Variants in BBS9 observed in about 807,000 individuals in gnomAD.
BBS9 encodes Bardet-Biedl syndrome 9, also known as protein PTHB1.
A neutral mutation model predicts 117.7 loss-of-function variants in BBS9; 89 were observed. That is an observed-to-expected ratio of 0.76 (90% CI 0.64 to 0.90). The LOEUF (loss-of-function observed/expected upper bound fraction) is 0.90, where lower values mean the gene tolerates loss of function less well. Among genes scored for constraint, BBS9 ranks in the 40% least tolerant of loss-of-function variants. The probability of loss-of-function intolerance (pLI) is 0.00; values close to 1 mark genes in which losing one functional copy is unlikely to be tolerated. For synonymous variants in BBS9, 379 were observed against 370.9 expected, an observed-to-expected ratio of 1.02 and a Z score of -0.25; for missense variants, 982 against 1,042.2, an observed-to-expected ratio of 0.94 and a Z score of 0.80.
At chr7:33,251,362 A>G (rs180843880) in intron 5 of BBS9, among the ~76,000 whole-genome samples, 1 of 152,178 alleles carries the variant, frequency 6.6e-6, no homozygotes, top group Admixed American at 6.5e-5. Context: ...TCCCTGAACC[A>G]ATCACTGTGA....
chr7:33,606,208 ACAT>A (rs1341676007), downstream of BBS9: 3 of 152,204 alleles, frequency 2.0e-5, no homozygotes, highest in African/African-American at 7.2e-5. Flanking sequence ...TATCAAAATA[ACAT>A]CATTATGATC....
At chr7:33,633,510 C>CTTTTTT (rs894796851) in intron 21 of BBS9, among the ~76,000 whole-genome samples, 1 of 98,458 alleles carries the variant, frequency 1.0e-5, no homozygotes. Context: ...TAACTTTTTT[C>CTTTTTT]TTTTTTTTTT....
chr7:33,539,466 C>T (rs1851934517), intron 21 of BBS9, among the ~76,000 whole-genome samples: 1 of 152,160 alleles, frequency 6.6e-6, no homozygotes, highest in African/African-American at 2.4e-5. Flanking sequence ...CAGCCATTGT[C>T]CTTATAACAG....
intron 21 of BBS9, among the ~76,000 whole-genome samples, chr7:33,589,385 T>C (rs1323399232): frequency 6.6e-6 from 1 of 152,118 alleles, no homozygotes; most frequent in African/African-American, 2.4e-5. Flanking sequence ...ATTTCTGGAA[T>C]TTTTTATTTA....
Position 33,416,277 on chromosome 7 carries a change from A to G in BBS9, c.2115+28133A>G, listed in dbSNP as rs1481618944. Among the ~76,000 whole-genome samples the G allele has an allele frequency of 2.0e-5, 3 of 151,214 alleles. 1 individual carries two copies. Among genetic ancestry groups the G allele is most frequent in the South Asian group, 4.2e-4 (2 of 4,720 alleles). ...GGTGAGAACAGGCTGCCCCCTTCAC[A>G]TGGGTCCTGCCTTCTTCTGCTTGAC... On this transcript the variant is annotated intron_variant, in intron 19 of 22. Coordinates refer to ENST00000242067, the MANE Select transcript of BBS9 (RefSeq NM_198428.3).
chr7:33,165,616 A>G (rs1455278887), intron 4 of BBS9, among the ~76,000 whole-genome samples: 1 of 151,620 alleles, frequency 6.6e-6, no homozygotes, highest in Admixed American at 6.6e-5. Flanking sequence ...CTTCCACTTG[A>G]TTGAATCAGC....
chr7:33,232,103 T>C (rs1008131892), intron 5 of BBS9, among the ~76,000 whole-genome samples: 7 of 152,192 alleles, frequency 4.6e-5, no homozygotes, highest in Non-Finnish European at 8.8e-5. Flanking sequence ...TAGAATTTAA[T>C]ATATGTCCCT....
At chr7:33,400,506 T>A (rs1426538668) in intron 19 of BBS9, among the ~76,000 whole-genome samples, 1 of 152,168 alleles carries the variant, frequency 6.6e-6, no homozygotes, top group Non-Finnish European at 1.5e-5. Context: ...AATTGTGAAT[T>A]AGCGATTATT....
chr7:33,367,645 A>T, intron 16 of BBS9, 122 bp from the exon 17 acceptor site: 2 of 780,950 alleles, frequency 2.6e-6, no homozygotes, highest in Non-Finnish European at 4.6e-6. Flanking sequence ...TATAGCTCAC[A>T]CATGGAGTTT....
At chr7:33,472,720 C>A (rs1046303224) in intron 19 of BBS9, among the ~76,000 whole-genome samples, 4 of 152,200 alleles carry the variant, frequency 2.6e-5, no homozygotes, top group Non-Finnish European at 2.9e-5. Flanking sequence ...GGCCAAATGG[C>A]TTCTTTTTAT....
intron 17 of BBS9, among the ~76,000 whole-genome samples, chr7:33,374,642 C>A: frequency 6.6e-6 from 1 of 152,098 alleles, no homozygotes; most frequent in Non-Finnish European, 1.5e-5. Context: ...TGGCTCACGC[C>A]TGTAATCCCA....
At chr7:33,536,286 T>A (rs969099558) in intron 21 of BBS9, among the ~76,000 whole-genome samples, 2 of 151,858 alleles carry the variant, frequency 1.3e-5, no homozygotes, top group South Asian at 2.1e-4. Flanking sequence ...CACTCTGTGG[T>A]TGAGTGGCTC....
chr7:33,173,571 TAAAAA>T lies in BBS9; in HGVS notation c.329-3893_329-3889del, dbSNP rs3083580. Among the ~76,000 whole-genome samples, 4 of 120,276 alleles carry T rather than the reference TAAAAA, an allele frequency of 3.3e-5. No individual in the cohort carries two copies. The South Asian group carries it at 1.0e-3, about 31-fold the overall frequency. 78.9% of individuals were successfully genotyped at this position (120,276 alleles called of 152,430 possible). ...TTGGCAACAGAGCGAGACTCCATCCTAAAAAAAAAAAAAAAAAATTGAAAAATTTT... is the reference window on the plus strand; with the variant it reads ...TTGGCAACAGAGCGAGACTCCATCCTAAAAAAAAAAAAATTGAAAAATTTT... On this transcript the variant is annotated intron_variant, in intron 4 of 22. Coordinates refer to ENST00000242067, the MANE Select transcript of BBS9 (RefSeq NM_198428.3).
chr7:33,521,137 C>G lies in BBS9; in HGVS notation c.2299-12817C>G, dbSNP rs150175673. ...TGTTTTAAAACTCATTATCTCCATC[C>G]AGGATCACGTTTTATAATAATTCAG... On this transcript the variant is annotated intron_variant, in intron 20 of 22. Coordinates refer to ENST00000242067, the MANE Select transcript of BBS9 (RefSeq NM_198428.3). Among the ~76,000 whole-genome samples, 201 of 152,262 alleles carry G rather than the reference C, an allele frequency of 1.3e-3. 1 individual carries two copies. The highest frequency in any genetic ancestry group is 4.8e-3 in the African/African-American group (198 of 41,548).
At chr7:33,378,457 A>G (rs1420216690) in intron 17 of BBS9, among the ~76,000 whole-genome samples, 1 of 152,172 alleles carries the variant, frequency 6.6e-6, no homozygotes, top group Non-Finnish European at 1.5e-5. Context: ...AACCTACTGC[A>G]TGTGATGTTT....
intron 5 of BBS9, among the ~76,000 whole-genome samples, chr7:33,212,673 T>C (rs998282288): frequency 1.9e-4 from 29 of 152,164 alleles, no homozygotes; most frequent in African/African-American, 6.8e-4. Flanking sequence ...CAGTCTGGGC[T>C]TGTTTGTGCC....
At chr7:33,616,906 C>T (rs1335444062) in intron 21 of BBS9, among the ~76,000 whole-genome samples, 1 of 151,926 alleles carries the variant, frequency 6.6e-6, no homozygotes, top group Non-Finnish European at 1.5e-5. Context: ...ATTCCACTTG[C>T]TATGTCCATG....
chr7:33,313,460 T>A (rs1190492733), intron 9 of BBS9, among the ~76,000 whole-genome samples: 1 of 152,202 alleles, frequency 6.6e-6, no homozygotes, highest in South Asian at 2.1e-4. Flanking sequence ...GGTTAGCAAT[T>A]GTTTAGTCTG....
chr7:33,267,665 C>T (rs1457392776), intron 7 of BBS9, among the ~76,000 whole-genome samples: 2 of 151,880 alleles, frequency 1.3e-5, no homozygotes, highest in Non-Finnish European at 2.9e-5. Flanking sequence ...GTGCTATTGT[C>T]CTGTATTTTA....
Sources: gnomAD v4.1 joint callset for allele counts (sites outside exome capture counted in the v4.1 genomes callset) on GRCh38, gnomAD v4.1.1 for gene constraint, MANE v1.5 for transcripts, NCBI Gene and HGNC (gene_info 2026-07-23, HGNC 2026-07-21) for gene names.